Variants in KLF12 observed in about 807,000 individuals in gnomAD.
The protein encoded by KLF12 is KLF transcription factor 12, also known as Krueppel-like factor 12.
Under a neutral mutation model 37.8 loss-of-function variants are expected in KLF12, and 9 were observed. That is an observed-to-expected ratio of 0.24 (90% CI 0.14 to 0.42). KLF12 has a LOEUF of 0.42. KLF12 is among the 10% of genes least tolerant of loss of function. KLF12 has a pLI of 1.00. For missense variants in KLF12, 411 were observed against 516.0 expected (o/e 0.80, Z 1.97); for synonymous variants, 208 against 202.1 (o/e 1.03, Z -0.25).
the KLF12 span, among the ~76,000 whole-genome samples, chr13:74,251,175 G>A: frequency 1.3e-5 from 2 of 151,816 alleles, no homozygotes; most frequent in Non-Finnish European, 2.9e-5. Context: ...TTTTTGAGAT[G>A]GAGTCTAATT....
At chr13:74,167,253 G>T in the KLF12 span, among the ~76,000 whole-genome samples, 1 of 152,312 alleles carries the variant, frequency 6.6e-6, no homozygotes, top group Non-Finnish European at 1.5e-5. Context: ...GTGTCTAGCA[G>T]GTTCTATGGG....
upstream of KLF12, among the ~76,000 whole-genome samples, chr13:74,135,675 G>A (rs1047033578): frequency 6.6e-6 from 1 of 151,880 alleles, no homozygotes; most frequent in Non-Finnish European, 1.5e-5. Flanking sequence ...GCGGCGCTCC[G>A]GGCACGACAG....
chr13:74,283,130 G>A, the KLF12 span, among the ~76,000 whole-genome samples: 1 of 152,190 alleles, frequency 6.6e-6, no homozygotes, highest in African/African-American at 2.4e-5. Context: ...CCAAATTGGA[G>A]AAACCAGAGG....
At chr13:73,832,822 C>A (rs1350940231) in intron 4 of KLF12, among the ~76,000 whole-genome samples, 1 of 152,164 alleles carries the variant, frequency 6.6e-6, no homozygotes, top group Non-Finnish European at 1.5e-5. Context: ...AAATGCTCTA[C>A]AAACACCAAA....
Position 73,827,479 on chromosome 13 carries a change from CA to C in KLF12, c.671-14193del, listed in dbSNP as rs561761510. On this transcript the variant is annotated intron_variant, in intron 4 of 7. Coordinates refer to ENST00000377669, the MANE Select transcript of KLF12 (RefSeq NM_007249.5). The stretch of plus-strand genomic sequence containing the variant: ...ATGTTGTCAATTCTCCTCCCAAATA[CA>C]AGATTGAGCATGCTGTAACTATCCA... Among the ~76,000 whole-genome samples, 127 of 152,316 alleles carry C rather than the reference CA, an allele frequency of 8.3e-4. 2 individuals carry two copies. The highest frequency in any genetic ancestry group is 8.2e-3 in the Admixed American group (125 of 15,300).
At chr13:74,294,704 T>C in the KLF12 span, among the ~76,000 whole-genome samples, 3 of 152,086 alleles carry the variant, frequency 2.0e-5, no homozygotes, top group African/African-American at 7.2e-5. Flanking sequence ...TGTTAAGAGA[T>C]TTTGTTCTGA....
At chr13:73,922,174 A>G (rs1182090290) in intron 3 of KLF12, among the ~76,000 whole-genome samples, 2 of 152,096 alleles carry the variant, frequency 1.3e-5, no homozygotes, top group Non-Finnish European at 2.9e-5. Flanking sequence ...CAAGGAGTAA[A>G]ACCTTCATAT....
chr13:73,843,840 G>A (rs942812429), intron 4 of KLF12, among the ~76,000 whole-genome samples: 7 of 152,070 alleles, frequency 4.6e-5, no homozygotes, highest in African/African-American at 1.7e-4. Flanking sequence ...TTCTTGATAT[G>A]AGAAAACTAC....
Position 73,820,272 on chromosome 13 carries a change from A to G in KLF12, c.671-6985T>C, listed in dbSNP as rs528217249. Among the ~76,000 whole-genome samples the G allele has an allele frequency of 3.9e-5, 6 of 152,290 alleles. No homozygotes were observed. In the South Asian group the frequency reaches 1.2e-3, roughly 32 times the overall value. On this transcript the variant is annotated intron_variant, in intron 4 of 7. Coordinates refer to ENST00000377669, the MANE Select transcript of KLF12 (RefSeq NM_007249.5). ...CTTGGTCACCTCCTGCTGGCTGCAC[A>G]CAGAATCAGTTAAAACTCAGGACTT...
the KLF12 span, among the ~76,000 whole-genome samples, chr13:74,244,613 G>C: frequency 2.6e-5 from 4 of 152,190 alleles, no homozygotes; most frequent in Non-Finnish European, 5.9e-5. Flanking sequence ...GTGTTCCAAA[G>C]GGGTAAGAAG....
the KLF12 span, among the ~76,000 whole-genome samples, chr13:74,266,775 C>T: frequency 6.6e-6 from 1 of 152,186 alleles, no homozygotes; most frequent in Non-Finnish European, 1.5e-5. Context: ...TAATTCAATG[C>T]TGGTCCTAAA....
chr13:74,064,006 A>G (rs1189097364), intron 1 of KLF12, among the ~76,000 whole-genome samples: 2 of 152,216 alleles, frequency 1.3e-5, no homozygotes, highest in African/African-American at 4.8e-5. Flanking sequence ...TTCTATAGAC[A>G]TGAGCTAATA....
rs975197535 is a variant in KLF12, at chr13:73,872,091, G to A, written c.124-25718C>T. On this transcript the variant is annotated intron_variant, in intron 3 of 7. Coordinates refer to ENST00000377669, the MANE Select transcript of KLF12 (RefSeq NM_007249.5). ...AGCTATTTCCTGGAGGATGGAAGACGGCCACGTGCTTGGGTCCTGTGCCTC... is the reference window on the plus strand; with the variant it reads ...AGCTATTTCCTGGAGGATGGAAGACAGCCACGTGCTTGGGTCCTGTGCCTC... Among the ~76,000 whole-genome samples, 51 of 152,110 alleles carry A rather than the reference G, an allele frequency of 3.4e-4. 1 individual carries two copies. Among genetic ancestry groups the A allele is most frequent in the African/African-American group, 1.1e-3 (44 of 41,404 alleles).
chr13:74,251,153 C>CT, the KLF12 span, among the ~76,000 whole-genome samples: 2 of 152,044 alleles, frequency 1.3e-5, no homozygotes, highest in Admixed American at 6.6e-5. Flanking sequence ...TTGGTAATCT[C>CT]TTTTTTTGTT....
the KLF12 span, among the ~76,000 whole-genome samples, chr13:74,245,311 A>G: frequency 4.6e-5 from 7 of 151,112 alleles, no homozygotes; most frequent in Admixed American, 4.6e-4. Context: ...CTATCTATCT[A>G]TCTATCTATC....
intron 3 of KLF12, among the ~76,000 whole-genome samples, chr13:73,848,324 G>A (rs1885136936): frequency 6.6e-6 from 1 of 152,036 alleles, no homozygotes; most frequent in African/African-American, 2.4e-5. Context: ...GCTGATAAAT[G>A]CGGACCTTAT....
At chr13:73,741,953 T>C (rs541247206) in intron 6 of KLF12, among the ~76,000 whole-genome samples, 85 of 152,280 alleles carry the variant, frequency 5.6e-4, no homozygotes, top group African/African-American at 2.0e-3. Context: ...CTGCTATGCA[T>C]ACAACAAAGA....
chr13:73,791,649 T>A (rs1881694778), intron 5 of KLF12, among the ~76,000 whole-genome samples: 1 of 152,190 alleles, frequency 6.6e-6, no homozygotes. Flanking sequence ...TTTTTTCCTG[T>A]AGTATGATTT....
intron 1 of KLF12, among the ~76,000 whole-genome samples, chr13:74,063,044 G>A (rs1313297154): frequency 6.6e-6 from 1 of 152,140 alleles, no homozygotes; most frequent in African/African-American, 2.4e-5. Context: ...AAAATTTTTT[G>A]CTTCGGAAAA....
Sources: allele counts gnomAD v4.1 joint callset (sites outside exome capture counted in the v4.1 genomes callset), GRCh38; gene constraint gnomAD v4.1.1; transcripts MANE v1.5; gene names NCBI Gene and HGNC (gene_info 2026-07-23, HGNC 2026-07-21).